TCTN3: variants seen among roughly 807,000 people sequenced by gnomAD.
TCTN3 encodes the protein tectonic family member 3, also known as tectonic-3.
A neutral mutation model predicts 71.3 loss-of-function variants in TCTN3; 57 were observed. That is an observed-to-expected ratio of 0.80 (90% confidence interval 0.65 to 1.00). TCTN3 has a LOEUF of 1.00. Among genes scored for constraint, TCTN3 ranks in the 50% least tolerant of loss-of-function variants. The probability of loss-of-function intolerance (pLI) is 0.00; values close to 1 mark genes in which losing one functional copy is unlikely to be tolerated. For synonymous variants in TCTN3, 258 were observed against 267.8 expected, an observed-to-expected ratio of 0.96 and a Z score of 0.36; for missense variants, 696 against 719.9, an observed-to-expected ratio of 0.97 and a Z score of 0.38.
At position 95,693,912 on chromosome 10, in the gene TCTN3, G is replaced by C. The variant is rs892940563; in HGVS notation, c.-13C>G. 2.6e-6 allele frequency: 4 copies of C among 1,551,470 alleles called. No homozygotes were observed. The African/African-American group carries it at 5.5e-5, about 21-fold the overall frequency. Reference sequence around the variant, plus strand: ...GTGGGGTGCGCATGGGGCATTCAGGGCCTCCGGGTCCGACGTAGGCCTCCG... The same window carrying C: ...GTGGGGTGCGCATGGGGCATTCAGGCCCTCCGGGTCCGACGTAGGCCTCCG... On this transcript the variant is annotated 5_prime_UTR_variant, in exon 1 of 14. Transcript: ENST00000371217.
At position 95,663,827 on chromosome 10, in the gene TCTN3, G is replaced by T; in HGVS notation, c.*240C>A. ...GCTCTTGGCCTTCCCAGCTTGAGAAGTAGGGGCCTCATGTGTATCTGGTGG... is the reference window on the plus strand; with the variant it reads ...GCTCTTGGCCTTCCCAGCTTGAGAATTAGGGGCCTCATGTGTATCTGGTGG... On this transcript the variant is annotated 3_prime_UTR_variant, in exon 14 of 14. Transcript: ENST00000371217. The T allele has an allele frequency of 2.3e-6, 1 of 433,312 alleles. No homozygotes were observed. The allele number at this position is 433,312 out of a possible 1,614,324, so 26.8% of individuals were successfully genotyped here.
Position 95,664,240 on chromosome 10 carries a change from G to A in TCTN3, c.1651C>T (p.Gln551Ter), listed in dbSNP as rs77275545. ...TTLVNFVDIT[Q>*]KPQPPRGQPK... ...TGGCCCCTTGGAGGCTGTGGCTTCT[G>A]GGTAATGTCCACAAAGTTCACAAGA... The change falls in exon 14 of 14, where the codon CAG (glutamine) becomes TAG (stop). Residue 551 changes from glutamine to a stop codon, truncating the protein, a stop_gained. Transcript: ENST00000371217. LOFTEE classifies it high-confidence loss of function. 6.2e-7 allele frequency: 1 copy of A among 1,614,140 alleles called. No individual in the cohort carries two copies. The highest frequency in any genetic ancestry group is 8.5e-7 in the Non-Finnish European group (1 of 1,180,018).
chr10:95,684,021 A>G (rs540023720), intron 9 of TCTN3, among the ~76,000 whole-genome samples: 267 of 152,322 alleles, frequency 1.8e-3, no homozygotes, highest in Non-Finnish European at 2.6e-3. Context: ...TGAGAGACAC[A>G]GCAGTTGGTT....
At chr10:95,688,412 A>G (rs1182186091) in intron 3 of TCTN3, among the ~76,000 whole-genome samples, 3 of 122,334 alleles carry the variant, frequency 2.5e-5, no homozygotes, top group South Asian at 2.9e-4. Flanking sequence ...AAAAAAAAAA[A>G]AAAAAAGAAA....
At chr10:95,686,606 A>G in intron 6 of TCTN3, 76 bp from the exon 7 acceptor site, 1 of 1,455,400 alleles carries the variant, frequency 6.9e-7, no homozygotes, top group Non-Finnish European at 9.5e-7. Flanking sequence ...TCATATTACT[A>G]CCAATAGGCT....
chr10:95,689,779 A>G (rs761713914), intron 3 of TCTN3, among the ~76,000 whole-genome samples: 10 of 152,172 alleles, frequency 6.6e-5, no homozygotes, highest in African/African-American at 1.4e-4. Flanking sequence ...TCAGATGTCA[A>G]AGGAAGCCTA....
At chr10:95,683,327 T>C (rs2097944944) in intron 10 of TCTN3, 132 bp from the exon 11 acceptor site, 29 of 1,496,242 alleles carry the variant, frequency 1.9e-5, no homozygotes, top group Non-Finnish European at 2.4e-5. Context: ...GAGTCACAAA[T>C]TTGTGATTTT....
intron 8 of TCTN3, among the ~76,000 whole-genome samples, chr10:95,685,071 AG>A (rs773710624): frequency 5.5e-4 from 84 of 152,366 alleles, no homozygotes; most frequent in Non-Finnish European, 8.7e-4. Context: ...AGATGCTTTA[AG>A]ATAATTCTTA....
At chr10:95,674,694 A>G (rs2097935093) in intron 13 of TCTN3, among the ~76,000 whole-genome samples, 1 of 152,198 alleles carries the variant, frequency 6.6e-6, no homozygotes, top group Non-Finnish European at 1.5e-5. Flanking sequence ...CTGTATCTGT[A>G]TGTTATATCT....
chr10:95,680,631 T>A (rs912033506), intron 12 of TCTN3, 22 bp from the exon 13 acceptor site: 21 of 1,609,252 alleles, frequency 1.3e-5, no homozygotes, highest in Non-Finnish European at 1.7e-5. Context: ...TAAAGAAGCA[T>A]CTGCTTGAAT....
At chr10:95,683,718 G>T (rs530837033) in intron 9 of TCTN3, 89 bp from the exon 10 acceptor site, 1 of 1,037,666 alleles carries the variant, frequency 9.6e-7, no homozygotes, top group East Asian at 2.5e-5. Flanking sequence ...CTTCCTTAAG[G>T]CAAGGAAATG....
chr10:95,680,124 A>C (rs897091823), intron 13 of TCTN3, among the ~76,000 whole-genome samples: 1 of 152,242 alleles, frequency 6.6e-6, no homozygotes, highest in Non-Finnish European at 1.5e-5. Context: ...GGACTCACAT[A>C]TAACTGTGTG....
At chr10:95,689,048 T>A (rs1449377763) in intron 3 of TCTN3, among the ~76,000 whole-genome samples, 2 of 152,188 alleles carry the variant, frequency 1.3e-5, no homozygotes, top group Non-Finnish European at 2.9e-5. Flanking sequence ...GAACCTGACC[T>A]TTACCCTCTG....
At chr10:95,675,275 T>C (rs911207476) in intron 13 of TCTN3, among the ~76,000 whole-genome samples, 4 of 152,104 alleles carry the variant, frequency 2.6e-5, no homozygotes, top group African/African-American at 7.2e-5. Context: ...GTATTTTCAA[T>C]AGAGACAGGG....
chr10:95,690,048 A>ACTCT (rs2097952112), intron 3 of TCTN3, among the ~76,000 whole-genome samples: 1 of 152,196 alleles, frequency 6.6e-6, no homozygotes, highest in Non-Finnish European at 1.5e-5. Context: ...GCTGCAGTAT[A>ACTCT]GTAGCATGAT....
In TCTN3 at chr10:95,693,904, C is replaced by T. The variant is rs937121806; in HGVS notation, c.-5G>A. On this transcript the variant is annotated 5_prime_UTR_variant, in exon 1 of 14. The change abolishes an upstream ATG in the 5' untranslated region. Transcript: ENST00000371217. ...CGCGAGCTGTGGGGTGCGCATGGGG[C>T]ATTCAGGGCCTCCGGGTCCGACGTA... is the stretch of plus-strand genomic sequence containing the variant. 6.4e-7 allele frequency: 1 copy of T among 1,551,648 alleles called. No homozygotes were observed. Among genetic ancestry groups the T allele is most frequent in the Non-Finnish European group, 8.7e-7 (1 of 1,146,996 alleles).
chr10:95,674,043 G>A (rs1456266783), intron 13 of TCTN3, among the ~76,000 whole-genome samples: 1 of 151,838 alleles, frequency 6.6e-6, no homozygotes, highest in Non-Finnish European at 1.5e-5. Context: ...AAATTGTTTT[G>A]GCTATTCTAA....
intron 13 of TCTN3, among the ~76,000 whole-genome samples, chr10:95,672,886 T>C (rs1345628666): frequency 6.6e-6 from 1 of 151,814 alleles, no homozygotes; most frequent in East Asian, 1.9e-4. Flanking sequence ...AGAGATGGAG[T>C]TTCACCATGT....
At chr10:95,693,275 T>C in intron 2 of TCTN3, 78 bp downstream of exon 2, 1 of 1,536,104 alleles carries the variant, frequency 6.5e-7, no homozygotes, top group Non-Finnish European at 8.8e-7. Context: ...GCACAAAGAC[T>C]AACTCTTCTT....
Sources: gnomAD v4.1 joint callset for allele counts (sites outside exome capture counted in the v4.1 genomes callset) on GRCh38, gnomAD v4.1.1 for gene constraint, MANE v1.5 for transcripts, NCBI Gene and HGNC (gene_info 2026-07-23, HGNC 2026-07-21) for gene names.